Variants in ZFHX4 observed in about 807,000 individuals in gnomAD.
ZFHX4 encodes the protein zinc finger homeobox 4.
Under a neutral mutation model 267.6 loss-of-function variants are expected in ZFHX4, and 56 were observed. That is an observed-to-expected ratio of 0.21 (90% CI 0.17 to 0.26). The LOEUF is 0.26. Ranked by LOEUF, ZFHX4 falls within the 10% of genes least tolerant of loss-of-function variation. The probability of loss-of-function intolerance (pLI) is 1.00; values close to 1 mark genes in which losing one functional copy is unlikely to be tolerated. For synonymous variants in ZFHX4, 1,778 were observed against 1,665.6 expected, an observed-to-expected ratio of 1.07 and a Z score of -1.64; for missense variants, 4,332 against 4,420.0, an observed-to-expected ratio of 0.98 and a Z score of 0.56.
At position 76,762,900 on chromosome 8, in the gene ZFHX4, G is replaced by T. The variant is rs555935082; in HGVS notation, c.3094-15308G>T. On this transcript the variant is annotated intron_variant, in intron 3 of 10. Coordinates refer to ENST00000651372, the MANE Select transcript of ZFHX4 (RefSeq NM_024721.5). The stretch of plus-strand genomic sequence containing the variant: ...TCTTGATAATAATGAACATAAAGAG[G>T]AAGATACTTGAGAAGCAAAGAGATA... Among the ~76,000 whole-genome samples, 5 of 152,278 alleles carry T rather than the reference G, an allele frequency of 3.3e-5. No homozygotes were observed. In the South Asian group the frequency reaches 8.3e-4, roughly 25 times the overall value.
chr8:76,863,445 AGGCATTACAGAATGCAATT>A lies in ZFHX4; in HGVS notation c.9733_9751del (p.Ala3245LeufsTer8). 6.2e-7 allele frequency: 1 copy of A among 1,613,956 alleles called. No homozygotes were observed. The highest frequency in any genetic ancestry group is 8.5e-7 in the Non-Finnish European group (1 of 1,179,868). ...ACACATGTCGATCCTATTCAGTTGC[AGGCATTACAGAATGCAATT>A]GCTGGTGACCCAGCTTCCTTTATAG... is the stretch of plus-strand genomic sequence containing the variant. On this transcript the variant is annotated frameshift_variant, in exon 11 of 11. Transcript: ENST00000651372. LOFTEE classifies it high-confidence loss of function.
At chr8:76,822,375 AT>A (rs575178569) in intron 4 of ZFHX4, among the ~76,000 whole-genome samples, 68 of 150,192 alleles carry the variant, frequency 4.5e-4, no homozygotes, top group African/African-American at 1.5e-3. Flanking sequence ...TCTCTCTATA[AT>A]TTTATACTTG....
At chr8:76,849,214 G>A (rs1181395715) in intron 7 of ZFHX4, 86 bp downstream of exon 7, 2 of 1,418,362 alleles carry the variant, frequency 1.4e-6, no homozygotes, top group East Asian at 2.5e-5. Flanking sequence ...ATTCCATGCT[G>A]TTGAAATGTA....
At chr8:76,849,791 T>C (rs1812463051) in intron 8 of ZFHX4, 79 bp downstream of exon 8, 3 of 1,380,304 alleles carry the variant, frequency 2.2e-6, no homozygotes. Context: ...ATTATTGGTT[T>C]ATGGAAATGT....
In ZFHX4 at chr8:76,704,251, G is replaced by A. The variant is rs778040462; in HGVS notation, c.163G>A (p.Glu55Lys). 7.4e-6 allele frequency: 12 copies of A among 1,614,042 alleles called. No homozygotes were observed. The highest frequency in any genetic ancestry group is 9.3e-6 in the Non-Finnish European group (11 of 1,179,900). ...SSTDDNLKTD[E>K]RKSEALLGFS... Reference sequence around the variant, plus strand: ...CACAGATGACAACCTGAAAACGGATGAGCGCAAAAGTGAAGCCTTGCTGGG... The same window carrying A: ...CACAGATGACAACCTGAAAACGGATAAGCGCAAAAGTGAAGCCTTGCTGGG... Residue 55 changes from glutamate to lysine, a missense_variant, in exon 2 of 11, where the codon GAG becomes AAG. Glu to Lys is a moderately conservative substitution (Grantham distance 56). Transcript: ENST00000651372.
At position 76,800,425 on chromosome 8, in the gene ZFHX4, A is replaced by G. The variant is rs16939367; in HGVS notation, c.3325+21986A>G. Among the ~76,000 whole-genome samples, 893 of 152,288 alleles carry G rather than the reference A, an allele frequency of 5.9e-3. 16 individuals carry two copies. Among genetic ancestry groups the G allele is most frequent in the East Asian group, 0.053 (275 of 5,168 alleles). The stretch of plus-strand genomic sequence containing the variant: ...TTTATTACCTCAGGAGCGAACTGAA[A>G]GGTTCATTACAAAATCGGTTTCACT... On this transcript the variant is annotated intron_variant, in intron 4 of 10. Coordinates refer to ENST00000651372, the MANE Select transcript of ZFHX4 (RefSeq NM_024721.5).
In ZFHX4 at chr8:76,854,709, G is replaced by C. The variant is rs760009194; in HGVS notation, c.7788G>C (p.Gly2596=). The C allele has an allele frequency of 1.2e-6, 2 of 1,613,356 alleles. No homozygotes were observed. The highest frequency in any genetic ancestry group is 1.7e-6 in the Non-Finnish European group (2 of 1,179,668). The change falls in exon 10 of 11, where the codon GGG becomes GGC. Residue 2596 remains glycine, a synonymous_variant. Transcript: ENST00000651372. Reference sequence around the variant, plus strand: ...ATAATTGCAGTGAAAAAGAAGGAGGGAATAGCGGTGAAGACCAACACCGAG... The same window carrying C: ...ATAATTGCAGTGAAAAAGAAGGAGGCAATAGCGGTGAAGACCAACACCGAG... ...EDNNCSEKEG[G]NSGEDQHRDK...
chr8:76,781,186 G>A (rs566040361), intron 4 of ZFHX4, among the ~76,000 whole-genome samples: 1 of 152,110 alleles, frequency 6.6e-6, no homozygotes, highest in East Asian at 1.9e-4. Flanking sequence ...TCATCCAGTG[G>A]TTTTTGTTGT....
At position 76,860,931 on chromosome 8, in the gene ZFHX4, C is replaced by T. The variant is rs1190344459; in HGVS notation, c.9380-2163C>T. On this transcript the variant is annotated intron_variant, in intron 10 of 10. Transcript: ENST00000651372. The stretch of plus-strand genomic sequence containing the variant: ...ATTTTTATAAACAGGCAAGTGGAAA[C>T]GCAATCCCAGACATAGAACTGTAGG... 3.3e-5 allele frequency among the ~76,000 whole-genome samples: 5 copies of T among 152,078 alleles called. No homozygotes were observed. The East Asian group carries it at 5.8e-4, about 18-fold the overall frequency.
chr8:76,705,076 G>A lies in ZFHX4; in HGVS notation c.988G>A (p.Glu330Lys), dbSNP rs772479291. 6.2e-7 allele frequency: 1 copy of A among 1,613,876 alleles called. No homozygotes were observed. The highest frequency in any genetic ancestry group is 8.5e-7 in the Non-Finnish European group (1 of 1,179,854). ...AIIQGIGKDK[E>K]PLISFLEPKK... is the part of the protein sequence containing the mutation. The stretch of plus-strand genomic sequence containing the variant: ...AATACAGGGGATTGGCAAAGACAAA[G>A]AACCTCTTATAAGCTTTCTGGAACC... Residue 330 changes from glutamate (E) to lysine (K), a missense_variant, in exon 2 of 11, where the codon GAA becomes AAA. By Grantham distance (56) the Glu-to-Lys change is moderately conservative. Coordinates refer to ENST00000651372, the MANE Select transcript of ZFHX4 (RefSeq NM_024721.5).
chr8:76,728,394 T>C (rs1056632407), intron 3 of ZFHX4, among the ~76,000 whole-genome samples: 1 of 152,220 alleles, frequency 6.6e-6, no homozygotes, highest in Non-Finnish European at 1.5e-5. Flanking sequence ...TTCCAATATC[T>C]TCCTTTTCCT....
chr8:76,697,157 A>G (rs1585856140), intron 1 of ZFHX4, among the ~76,000 whole-genome samples: 2 of 151,950 alleles, frequency 1.3e-5, no homozygotes, highest in East Asian at 1.9e-4. Context: ...TAATTATACA[A>G]TTGTTTTTTC....
intron 4 of ZFHX4, among the ~76,000 whole-genome samples, chr8:76,789,020 GTATT>G (rs1386395235): frequency 6.6e-6 from 1 of 152,154 alleles, no homozygotes; most frequent in African/African-American, 2.4e-5. Flanking sequence ...TGCAACTAAA[GTATT>G]TATTTGTCAT....
chr8:76,832,981 C>T (rs1811975306), intron 4 of ZFHX4, among the ~76,000 whole-genome samples: 1 of 152,046 alleles, frequency 6.6e-6, no homozygotes, highest in Admixed American at 6.6e-5. Flanking sequence ...TAAAAGTATG[C>T]TCATAATTTA....
chr8:76,764,792 T>G (rs773230863), intron 3 of ZFHX4, among the ~76,000 whole-genome samples: 75 of 152,192 alleles, frequency 4.9e-4, no homozygotes, highest in Non-Finnish European at 8.1e-4. Flanking sequence ...ATTGTGTAAC[T>G]TTTGCGGTTA....
intron 3 of ZFHX4, among the ~76,000 whole-genome samples, chr8:76,726,974 G>C (rs1808869734): frequency 6.6e-6 from 1 of 152,168 alleles, no homozygotes; most frequent in African/African-American, 2.4e-5. Flanking sequence ...ACATTTTAAT[G>C]CTTAGCGTCA....
At chr8:76,832,264 A>T (rs927022879) in intron 4 of ZFHX4, among the ~76,000 whole-genome samples, 1 of 152,108 alleles carries the variant, frequency 6.6e-6, no homozygotes, top group African/African-American at 2.4e-5. Context: ...TAACTTCTTG[A>T]TAACAATCTG....
intron 3 of ZFHX4, among the ~76,000 whole-genome samples, chr8:76,731,282 GC>G (rs777668019): frequency 6.6e-6 from 1 of 152,180 alleles, no homozygotes; most frequent in Non-Finnish European, 1.5e-5. Context: ...AAAGTGGTAA[GC>G]CCTTTTACAA....
At chr8:76,822,813 G>A (rs1414760711) in intron 4 of ZFHX4, among the ~76,000 whole-genome samples, 1 of 151,896 alleles carries the variant, frequency 6.6e-6, no homozygotes, top group Admixed American at 6.6e-5. Flanking sequence ...GTTCCCTAGA[G>A]TTTTGCCCTT....
Sources: gnomAD v4.1 joint callset for allele counts (sites outside exome capture counted in the v4.1 genomes callset) on GRCh38, gnomAD v4.1.1 for gene constraint, MANE v1.5 for transcripts, NCBI Gene and HGNC (gene_info 2026-07-23, HGNC 2026-07-21) for gene names.